The following INPP5K variants were observed in gnomAD, a reference collection of about 807,000 sequenced individuals.
INPP5K encodes the protein inositol polyphosphate-5-phosphatase K.
In INPP5K, 35 loss-of-function variants were observed where a neutral mutation model predicts 53.5. That is an observed-to-expected ratio of 0.65 (90% CI 0.50 to 0.87). INPP5K has a LOEUF of 0.87. INPP5K is among the 40% of genes least tolerant of loss of function. The probability of loss-of-function intolerance (pLI) is 0.00; values close to 1 mark genes in which losing one functional copy is unlikely to be tolerated. For missense variants in INPP5K, 550 were observed against 586.2 expected (o/e 0.94, Z 0.64); for synonymous variants, 253 against 232.8 (o/e 1.09, Z -0.79).
chr17:1,495,874 C>A lies in INPP5K; in HGVS notation c.1296G>T (p.Pro432=), dbSNP rs142054151. The change falls in exon 12 of 12, where the codon CCG becomes CCT. Residue 432 remains proline, a synonymous_variant. Coordinates refer to ENST00000421807, the MANE Select transcript of INPP5K (RefSeq NM_016532.4). ...VVGISRPFQI[P]PGSLREDPLG... The stretch of plus-strand genomic sequence containing the variant: ...GTGGGTCCTCCCTCAAGGAGCCAGG[C>A]GGGATCTGCAGGGATAAAGCAGGTG... 1.9e-6 allele frequency: 3 copies of A among 1,612,444 alleles called. No homozygotes were observed. Among genetic ancestry groups the A allele is most frequent in the Non-Finnish European group, 2.5e-6 (3 of 1,178,768 alleles).
At position 1,509,179 on chromosome 17, in the gene INPP5K, C is replaced by T. The variant is rs778607009; in HGVS notation, c.553G>A (p.Asp185Asn). The change falls in exon 5 of 12, where the codon GAC becomes AAC. Residue 185 changes from aspartate (D) to asparagine (N), a missense_variant and splice_region_variant. Coordinates refer to ENST00000421807, the MANE Select transcript of INPP5K (RefSeq NM_016532.4). ...GRDIPNILDH[D>N]LIIWFGDMNF... ...ACGGTCTGCCAGACCCAGGCTCACT[C>T]GTGGTCCAGGATGTTTGGGATGTCT... 30 of 1,612,360 alleles carry T rather than the reference C, an allele frequency of 1.9e-5. No individual in the cohort carries two copies. The highest frequency in any genetic ancestry group is 1.6e-4 in the South Asian group (15 of 91,002).
rs760595645 is a variant in INPP5K, at chr17:1,496,381, C to T, written c.1123G>A (p.Asp375Asn). Reference protein sequence around the residue: ...LYKVGLRDVNDYVSYAWVGDS... With the variant: ...LYKVGLRDVNNYVSYAWVGDS... Reference sequence around the variant, plus strand: ...CCGACCCAGGCATAGGACACGTAGTCATTAACGTCCCGCAGCCCCACCTGT... The same window carrying T: ...CCGACCCAGGCATAGGACACGTAGTTATTAACGTCCCGCAGCCCCACCTGT... The change falls in exon 10 of 12, where the codon GAC becomes AAC. Residue 375 changes from aspartate to asparagine, a missense_variant. Coordinates refer to ENST00000421807, the MANE Select transcript of INPP5K (RefSeq NM_016532.4). 2 of 1,563,276 alleles carry T rather than the reference C, an allele frequency of 1.3e-6. No homozygotes were observed. Among genetic ancestry groups the T allele is most frequent in the South Asian group, 2.4e-5 (2 of 85,032 alleles).
chr17:1,500,692 G>A (rs777446388), intron 7 of INPP5K, among the ~76,000 whole-genome samples: 2 of 151,954 alleles, frequency 1.3e-5, no homozygotes, highest in Non-Finnish European at 2.9e-5. Flanking sequence ...AGTATTATAC[G>A]ATTACACTAC....
rs1307301706 is a variant in INPP5K at position 1,510,205 on chromosome 17, A to G, written c.262-406T>C. Among the ~76,000 whole-genome samples the G allele has an allele frequency of 3.9e-5, 6 of 152,140 alleles. No homozygotes were observed. In the East Asian group the frequency reaches 1.2e-3, roughly 29 times the overall value. On this transcript the variant is annotated intron_variant, in intron 3 of 11. Coordinates refer to ENST00000421807, the MANE Select transcript of INPP5K (RefSeq NM_016532.4). Reference sequence around the variant, plus strand: ...CTGTGGGGATTATCTGAAAGCTATTATTTTTTGGTTTCAGCATTCTTTTTT... The same window carrying G: ...CTGTGGGGATTATCTGAAAGCTATTGTTTTTTGGTTTCAGCATTCTTTTTT...
intron 3 of INPP5K, among the ~76,000 whole-genome samples, chr17:1,510,041 G>A (rs1272765111): frequency 1.3e-5 from 2 of 152,258 alleles, no homozygotes; most frequent in African/African-American, 2.4e-5. Flanking sequence ...CGGGTGGCGG[G>A]AAGAGAAGAT....
At chr17:1,498,831 A>G (rs997642734) in intron 7 of INPP5K, among the ~76,000 whole-genome samples, 2 of 152,184 alleles carry the variant, frequency 1.3e-5, no homozygotes, top group Non-Finnish European at 2.9e-5. Flanking sequence ...TGCTGGCCTC[A>G]AAGGATCTTC....
intron 3 of INPP5K, chr17:1,510,635 T>A (rs1487419442): frequency 6.6e-6 from 1 of 152,124 alleles, no homozygotes; most frequent in African/African-American, 2.4e-5. Flanking sequence ...CATTCCTCCC[T>A]TTTTACTTAG....
At position 1,496,652 on chromosome 17, in the gene INPP5K, T is replaced by G. The variant is rs1339661497; in HGVS notation, c.1101+14A>C. On this transcript the variant is annotated intron_variant, in intron 9 of 11. Transcript: ENST00000421807. ...GCTGTCGCTGATGGACTTCCTGCCTTGCCACCACATCACCTTGTACAGTCC... is the reference window on the plus strand; with the variant it reads ...GCTGTCGCTGATGGACTTCCTGCCTGGCCACCACATCACCTTGTACAGTCC... 23 of 1,613,446 alleles carry G rather than the reference T, an allele frequency of 1.4e-5. No individual in the cohort carries two copies. The highest frequency in any genetic ancestry group is 1.9e-5 in the Non-Finnish European group (23 of 1,179,580).
intron 7 of INPP5K, among the ~76,000 whole-genome samples, chr17:1,500,378 T>G (rs1362340247): frequency 1.8e-4 from 28 of 151,702 alleles, no homozygotes; most frequent in Admixed American, 1.8e-3. Context: ...TTTTTTTTTT[T>G]TTTTGAGACG....
chr17:1,511,489 C>T (rs909869330), intron 3 of INPP5K, among the ~76,000 whole-genome samples: 4 of 152,098 alleles, frequency 2.6e-5, no homozygotes, highest in African/African-American at 7.2e-5. Context: ...TGTACTGGGG[C>T]CTTCCAGGAA....
intron 2 of INPP5K, 152 bp downstream of exon 2, chr17:1,513,720 T>G: frequency 1.2e-6 from 1 of 863,116 alleles, no homozygotes; most frequent in Non-Finnish European, 1.8e-6. Context: ...TTGCCGTTGC[T>G]GACCCGGGAC....
At position 1,497,922 on chromosome 17, in the gene INPP5K, G is replaced by A; in HGVS notation, c.963+14C>T. ...CTATTCCTCTGGCAAGTATCAGGCAGCCCAGAAGTTCACCTCCAAGTCGAA... is the reference window on the plus strand; with the variant it reads ...CTATTCCTCTGGCAAGTATCAGGCAACCCAGAAGTTCACCTCCAAGTCGAA... On this transcript the variant is annotated intron_variant, in intron 8 of 11. Transcript: ENST00000421807. 5 of 1,607,092 alleles carry A rather than the reference G, an allele frequency of 3.1e-6. No individual in the cohort carries two copies. The highest frequency in any genetic ancestry group is 4.3e-6 in the Non-Finnish European group (5 of 1,174,712).
Position 1,496,709 on chromosome 17 carries a change from G to C in INPP5K, c.1058C>G (p.Ser353Trp). 1 of 1,614,180 alleles carries C rather than the reference G, an allele frequency of 6.2e-7. No individual in the cohort carries two copies. Among genetic ancestry groups the C allele is most frequent in the African/African-American group, 1.3e-5 (1 of 75,042 alleles). The change falls in exon 9 of 12, where the codon TCG (serine) becomes TGG (tryptophan). Residue 353 changes from serine to tryptophan, a missense_variant. By Grantham distance (177) the Ser-to-Trp change is radical (BLOSUM62 -3). Transcript: ENST00000421807. ...GTCCCACGGGCTGCTGGGGAAGTCC[G>C]AGGTTGAAGAGTAGCTGACCATCAT... is the stretch of plus-strand genomic sequence containing the variant. The part of the protein sequence containing the change: ...NDMMVSYSST[S>W]DFPSSPWDWI...
chr17:1,504,087 A>T (rs7215191), intron 7 of INPP5K, among the ~76,000 whole-genome samples: 1,790 of 152,262 alleles, frequency 0.012, 38 homozygotes, highest in African/African-American at 0.04. Context: ...CATTTGCTCC[A>T]ACCTTCTGCA....
At position 1,513,979 on chromosome 17, in the gene INPP5K, G is replaced by A; in HGVS notation, c.45C>T (p.Ser15=). 6.2e-7 allele frequency: 1 copy of A among 1,603,096 alleles called. No individual in the cohort carries two copies. Among genetic ancestry groups the A allele is most frequent in the Non-Finnish European group, 8.5e-7 (1 of 1,171,800 alleles). Residue 15 remains serine, a splice_region_variant and synonymous_variant, in exon 2 of 12, where the codon AGC becomes AGT. Coordinates refer to ENST00000421807, the MANE Select transcript of INPP5K (RefSeq NM_016532.4). Reference sequence around the variant, plus strand: ...CCACGTTCCAAGTCACGACGTGTATGCTGCGGAAGGGATGCAGAGGGAAGT... The same window carrying A: ...CCACGTTCCAAGTCACGACGTGTATACTGCGGAAGGGATGCAGAGGGAAGT... ...KLSGPKGRRL[S]IHVVTWNVAS...
intron 7 of INPP5K, among the ~76,000 whole-genome samples, chr17:1,501,404 G>A (rs537518345): frequency 5.6e-4 from 85 of 152,348 alleles, no homozygotes; most frequent in African/African-American, 1.9e-3. Context: ...GGAAGGGTCC[G>A]TCCTGTTAAT....
intron 1 of INPP5K, among the ~76,000 whole-genome samples, chr17:1,514,905 CTTTTT>C (rs774754833): frequency 7.4e-6 from 1 of 134,490 alleles, no homozygotes. Flanking sequence ...TTCAGCGAGA[CTTTTT>C]TTTTTTTTTT....
At chr17:1,512,770 C>T (rs2075338498) in intron 3 of INPP5K, among the ~76,000 whole-genome samples, 1 of 152,206 alleles carries the variant, frequency 6.6e-6, no homozygotes, top group Non-Finnish European at 1.5e-5. Context: ...CCTGACTCCC[C>T]TCTCCTAACC....
rs140158843 is a variant in INPP5K, at chr17:1,514,983, C to T, written c.45-1004G>A. Among the ~76,000 whole-genome samples the T allele has an allele frequency of 8.8e-5, 13 of 148,060 alleles. No individual in the cohort carries two copies. In the East Asian group the frequency reaches 1.2e-3, roughly 14 times the overall value. Reference sequence around the variant, plus strand: ...GTGGACTGGGATGATCTCGGCTCATCGCAGCCTCCGCCTCCCAGGTTCCAG... The same window carrying T: ...GTGGACTGGGATGATCTCGGCTCATTGCAGCCTCCGCCTCCCAGGTTCCAG... On this transcript the variant is annotated intron_variant, in intron 1 of 11. Coordinates refer to ENST00000421807, the MANE Select transcript of INPP5K (RefSeq NM_016532.4).
Sources: gnomAD v4.1 joint callset for allele counts (sites outside exome capture counted in the v4.1 genomes callset) on GRCh38, gnomAD v4.1.1 for gene constraint, MANE v1.5 for transcripts, NCBI Gene and HGNC (gene_info 2026-07-23, HGNC 2026-07-21) for gene names.